IL1RAPL1: variants seen among roughly 807,000 people sequenced by gnomAD.
The protein encoded by IL1RAPL1 is interleukin 1 receptor accessory protein like 1.
IL1RAPL1 carries 3 observed loss-of-function variants against 48.4 expected under a neutral mutation model. The ratio of observed to expected loss-of-function variants is 0.06; its 90% confidence interval spans 0.03 to 0.16. The LOEUF is 0.16. IL1RAPL1 is among the 10% of genes least tolerant of loss of function. IL1RAPL1 has a pLI of 1.00. For missense variants in IL1RAPL1, 349 were observed against 530.6 expected, an observed-to-expected ratio of 0.66 and a Z score of 3.36; for synonymous variants, 185 against 187.7, an observed-to-expected ratio of 0.99 and a Z score of 0.12.
chrX:29,845,964 A>G (rs1299065750), intron 6 of IL1RAPL1, among the ~76,000 whole-genome samples: 1 of 110,991 alleles, frequency 9.0e-6, no homozygotes, highest in Non-Finnish European at 1.9e-5. Flanking sequence ...CACCAAGGGC[A>G]TGGTGCTATA....
chrX:28,937,878 C>A (rs1038180003), intron 2 of IL1RAPL1, among the ~76,000 whole-genome samples: 1 of 110,933 alleles, frequency 9.0e-6, no homozygotes, highest in Non-Finnish European at 1.9e-5. Flanking sequence ...CACCAACAGC[C>A]CAGCTGAGAG....
chrX:29,607,005 A>G (rs937922919), intron 5 of IL1RAPL1, among the ~76,000 whole-genome samples: 1 of 112,123 alleles, frequency 8.9e-6, no homozygotes, highest in Non-Finnish European at 1.9e-5. Flanking sequence ...ATTTACAGTG[A>G]AAATTATTTT....
intron 2 of IL1RAPL1, among the ~76,000 whole-genome samples, chrX:29,189,131 C>G (rs1204044686): frequency 1.8e-5 from 2 of 111,875 alleles, no homozygotes; most frequent in Non-Finnish European, 3.8e-5. Flanking sequence ...TTATGAGCTT[C>G]TTTACAGAAC....
At chrX:29,322,010 A>C (rs369543781) in intron 3 of IL1RAPL1, among the ~76,000 whole-genome samples, 1 of 98,724 alleles carries the variant, frequency 1.0e-5, no homozygotes, top group African/African-American at 4.3e-5. Context: ...CATATTTTGC[A>C]AAAAAAAAAC....
intron 2 of IL1RAPL1, among the ~76,000 whole-genome samples, chrX:28,916,871 T>C (rs1469089347): frequency 8.9e-6 from 1 of 112,495 alleles, no homozygotes; most frequent in Non-Finnish European, 1.9e-5. Context: ...CTAACATTTC[T>C]ATTCTAGGAA....
intron 3 of IL1RAPL1, among the ~76,000 whole-genome samples, chrX:29,366,607 C>T (rs192964476): frequency 0.031 from 2,353 of 76,547 alleles, 92 homozygotes; most frequent in African/African-American, 0.12. Flanking sequence ...CTCGCTCTGT[C>T]GCCCAGGCTG....
intron 2 of IL1RAPL1, among the ~76,000 whole-genome samples, chrX:28,872,807 A>G (rs936106342): frequency 3.6e-5 from 4 of 112,382 alleles, no homozygotes; most frequent in African/African-American, 1.3e-4. Context: ...TTTGTAGTAG[A>G]GACTTTGGGG....
At chrX:29,366,087 T>C (rs1933451044) in intron 3 of IL1RAPL1, among the ~76,000 whole-genome samples, 3 of 110,152 alleles carry the variant, frequency 2.7e-5, no homozygotes, top group Admixed American at 9.8e-5. Context: ...AGGATATTAA[T>C]TAATCAAAGG....
At chrX:29,233,624 C>T (rs1008166785) in intron 2 of IL1RAPL1, among the ~76,000 whole-genome samples, 6 of 110,865 alleles carry the variant, frequency 5.4e-5, no homozygotes, top group African/African-American at 1.6e-4. Context: ...CCCTGTTGTA[C>T]ACACCCAGTA....
chrX:29,100,480 G>C (rs1307908902), intron 2 of IL1RAPL1, among the ~76,000 whole-genome samples: 1 of 111,500 alleles, frequency 9.0e-6, no homozygotes, highest in Non-Finnish European at 1.9e-5. Context: ...TAGCTACTTT[G>C]ATTGGCTGAG....
At chrX:29,075,716 A>G (rs1413104226) in intron 2 of IL1RAPL1, among the ~76,000 whole-genome samples, 1 of 111,705 alleles carries the variant, frequency 9.0e-6, no homozygotes, top group East Asian at 2.8e-4. Flanking sequence ...TCGTCTTAAT[A>G]TTTGGATACA....
At chrX:28,758,602 G>A (rs1397529155) in intron 1 of IL1RAPL1, among the ~76,000 whole-genome samples, 1 of 111,321 alleles carries the variant, frequency 9.0e-6, no homozygotes, top group Non-Finnish European at 1.9e-5. Context: ...AGAAATAGAA[G>A]AAGGATGAAG....
At chrX:28,796,512 C>T (rs1936612490) in intron 2 of IL1RAPL1, among the ~76,000 whole-genome samples, 1 of 111,989 alleles carries the variant, frequency 8.9e-6, no homozygotes, top group Non-Finnish European at 1.9e-5. Flanking sequence ...AACAAAGGGA[C>T]TACAGGCCCC....
intron 3 of IL1RAPL1, among the ~76,000 whole-genome samples, chrX:29,319,525 T>C (rs1569284563): frequency 1.5e-5 from 1 of 66,103 alleles, no homozygotes; most frequent in Non-Finnish European, 3.3e-5. Flanking sequence ...TTTGTATGTA[T>C]GTATGTATGT....
chrX:28,810,046 C>A (rs1384284863), intron 2 of IL1RAPL1, among the ~76,000 whole-genome samples: 1 of 109,253 alleles, frequency 9.2e-6, no homozygotes, highest in Admixed American at 9.9e-5. Flanking sequence ...GGGACTATTT[C>A]CTGAGATGGG....
chrX:29,400,288 G>T (rs1272358674), intron 5 of IL1RAPL1, among the ~76,000 whole-genome samples: 2 of 112,096 alleles, frequency 1.8e-5, no homozygotes, highest in Non-Finnish European at 3.8e-5. Flanking sequence ...GATAAAATTT[G>T]CTGTTCTTAT....
At chrX:29,094,673 A>G (rs991816581) in intron 2 of IL1RAPL1, among the ~76,000 whole-genome samples, 1 of 95,285 alleles carries the variant, frequency 1.0e-5, no homozygotes, top group African/African-American at 3.8e-5. Context: ...CGGGAGGCTG[A>G]GGCAGGGGAA....
chrX:29,551,494 C>T (rs1390009653), intron 5 of IL1RAPL1, among the ~76,000 whole-genome samples: 1 of 111,688 alleles, frequency 9.0e-6, no homozygotes, highest in African/African-American at 3.3e-5. Flanking sequence ...TCTTTAAAAA[C>T]TGCTTTAAAT....
At chrX:29,808,006 C>T (rs1930295877) in intron 6 of IL1RAPL1, among the ~76,000 whole-genome samples, 1 of 111,746 alleles carries the variant, frequency 8.9e-6, no homozygotes, top group Admixed American at 9.5e-5. Flanking sequence ...AATAGTCACC[C>T]TCATACACTG....
Sources: gnomAD v4.1 joint callset for allele counts (sites outside exome capture counted in the v4.1 genomes callset) on GRCh38, gnomAD v4.1.1 for gene constraint, MANE v1.5 for transcripts, NCBI Gene and HGNC (gene_info 2026-07-23, HGNC 2026-07-21) for gene names.